MRPL3: variants seen among roughly 807,000 people sequenced by gnomAD.
MRPL3 encodes the protein mitochondrial ribosomal protein L3, also known as large ribosomal subunit protein uL3m.
MRPL3 carries 43 observed loss-of-function variants against 44.3 expected under a neutral mutation model. That is an observed-to-expected ratio of 0.97 (90% CI 0.76 to 1.25). The LOEUF is 1.25. Among genes scored for constraint, MRPL3 ranks in the 50% most tolerant of loss-of-function variants. The pLI, the probability that MRPL3 is intolerant of heterozygous loss-of-function variation, is 0.00. For synonymous variants in MRPL3, 171 were observed against 152.3 expected, an observed-to-expected ratio of 1.12 and a Z score of -0.91; for missense variants, 406 against 427.6, an observed-to-expected ratio of 0.95 and a Z score of 0.45.
At chr3:131,489,954 T>A in intron 5 of MRPL3, 27 bp downstream of exon 5, 1 of 1,452,118 alleles carries the variant, frequency 6.9e-7, no homozygotes, top group Non-Finnish European at 9.6e-7. Flanking sequence ...TATTTTTACC[T>A]CCCTCCTCTC....
chr3:131,479,004 AT>A (rs1233669006), intron 6 of MRPL3: 1 of 380,028 alleles, frequency 2.6e-6, no homozygotes, highest in Non-Finnish European at 5.1e-6. Context: ...AAAATATTTG[AT>A]TTTTAATTTT....
At position 131,462,646 on chromosome 3, in the gene MRPL3, G is replaced by T; in HGVS notation, c.*77C>A. On this transcript the variant is annotated 3_prime_UTR_variant, in exon 10 of 10. Transcript: ENST00000264995. ...TGTTGTGACTAAGAAAGGAGAGTAT[G>T]ATTTCTGGTGGTTATGATATCACTC... is the stretch of plus-strand genomic sequence containing the variant. The T allele has an allele frequency of 7.3e-7, 1 of 1,369,952 alleles. No individual in the cohort carries two copies. Among genetic ancestry groups the T allele is most frequent in the South Asian group, 1.6e-5 (1 of 64,184 alleles). The allele number at this position is 1,369,952 out of a possible 1,614,324, so 84.9% of individuals were successfully genotyped here. A position where few individuals can be genotyped will look rare whatever the true frequency, so the allele number is the denominator to read the frequency against.
intron 4 of MRPL3, among the ~76,000 whole-genome samples, chr3:131,492,849 T>C (rs1317718989): frequency 3.3e-5 from 5 of 152,184 alleles, no homozygotes; most frequent in Non-Finnish European, 2.9e-5. Flanking sequence ...TGTCCTGCTA[T>C]TGTAAATATC....
At position 131,500,485 on chromosome 3, in the gene MRPL3, C is replaced by T. The variant is rs202071969; in HGVS notation, c.314G>A (p.Gly105Asp). Reference protein sequence around the residue: ...FRVGLIALKLGMMPLWTKDGQ... With the variant: ...FRVGLIALKLDMMPLWTKDGQ... ...ATCCTTGGTCCATAAAGGCATCATG[C>T]CCAGCTTCAAGGCAATAAGACCAAC... is the stretch of plus-strand genomic sequence containing the variant. Residue 105 changes from glycine to aspartate, a missense_variant, in exon 3 of 10, where the codon GGC becomes GAC. By Grantham distance (94) the Gly-to-Asp change is moderately conservative (BLOSUM62 -1). Coordinates refer to ENST00000264995, the MANE Select transcript of MRPL3 (RefSeq NM_007208.4). 54 of 1,613,710 alleles carry T rather than the reference C, an allele frequency of 3.3e-5. No individual in the cohort carries two copies. The highest frequency in any genetic ancestry group is 1.6e-4 in the Middle Eastern group (1 of 6,082).
At chr3:131,464,282 T>C (rs1021896596) in intron 9 of MRPL3, among the ~76,000 whole-genome samples, 4 of 152,202 alleles carry the variant, frequency 2.6e-5, no homozygotes, top group Non-Finnish European at 5.9e-5. Flanking sequence ...CACACTTTTA[T>C]AGAACTATTA....
intron 6 of MRPL3, among the ~76,000 whole-genome samples, chr3:131,476,419 A>G (rs1316837399): frequency 6.6e-6 from 1 of 152,206 alleles, no homozygotes; most frequent in East Asian, 1.9e-4. Context: ...ATCTATACTT[A>G]GTATAGCCAG....
At position 131,498,211 on chromosome 3, in the gene MRPL3, A is replaced by G. The variant is rs763277111; in HGVS notation, c.436T>C (p.Ser146Pro). Residue 146 changes from serine to proline, a missense_variant, in exon 4 of 10, where the codon TCT (serine) becomes CCT (proline). Transcript: ENST00000264995. ...ENCNGKMATL[S>P]VGGKTVSRFR... ...CGTGATACAGTTTTTCCTCCTACAGACAGGGTTGCCATTTTTCCATTACAG... is the reference window on the plus strand; with the variant it reads ...CGTGATACAGTTTTTCCTCCTACAGGCAGGGTTGCCATTTTTCCATTACAG... The G allele has an allele frequency of 6.2e-7, 1 of 1,611,348 alleles. No individual in the cohort carries two copies. Among genetic ancestry groups the G allele is most frequent in the Non-Finnish European group, 8.5e-7 (1 of 1,177,606 alleles).
At chr3:131,463,518 T>C (rs1042491958) in intron 9 of MRPL3, among the ~76,000 whole-genome samples, 1 of 152,170 alleles carries the variant, frequency 6.6e-6, no homozygotes, top group African/African-American at 2.4e-5. Flanking sequence ...ATGGCCTTAG[T>C]GCATTTTTCT....
intron 6 of MRPL3, among the ~76,000 whole-genome samples, chr3:131,485,357 C>T (rs1010227363): frequency 2.6e-5 from 4 of 152,142 alleles, no homozygotes; most frequent in African/African-American, 7.2e-5. Flanking sequence ...TCTGACTTTG[C>T]GTGGTTTCTT....
At chr3:131,464,040 G>C (rs537173804) in intron 9 of MRPL3, among the ~76,000 whole-genome samples, 6 of 152,048 alleles carry the variant, frequency 3.9e-5, no homozygotes, top group Admixed American at 6.6e-5. Flanking sequence ...AAATTACCCA[G>C]AAGAAAGTAA....
rs1934533420 is a variant in MRPL3, at chr3:131,502,945, G to T, written c.-124C>A. 1.1e-6 allele frequency: 1 copy of T among 898,102 alleles called. No homozygotes were observed. The highest frequency in any genetic ancestry group is 1.8e-6 in the Non-Finnish European group (1 of 560,482). 55.6% of individuals were successfully genotyped at this position (898,102 alleles called of 1,614,324 possible). On this transcript the variant is annotated 5_prime_UTR_variant, in exon 1 of 10. Transcript: ENST00000264995. ...GGGGAAGTTTTCGCAATGGCCGCCG[G>T]AACGGTCGCCGGCCGATGCTCTCTG...
chr3:131,464,639 C>T (rs1028290833), intron 9 of MRPL3, among the ~76,000 whole-genome samples: 6 of 152,104 alleles, frequency 3.9e-5, no homozygotes, highest in East Asian at 3.9e-4. Context: ...ACGAATGAAC[C>T]GTACTTTAGA....
intron 9 of MRPL3, among the ~76,000 whole-genome samples, chr3:131,463,732 G>A (rs1933541640): frequency 1.3e-5 from 2 of 152,102 alleles, no homozygotes; most frequent in South Asian, 4.1e-4. Context: ...TGAATTCACA[G>A]ACTGAAGAAT....
At chr3:131,489,837 A>C (rs1252136053) in intron 5 of MRPL3, 144 bp downstream of exon 5, 5 of 533,598 alleles carry the variant, frequency 9.4e-6, no homozygotes, top group South Asian at 5.7e-5. Context: ...AAAAAAAAAA[A>C]AACAAAATGA....
At chr3:131,463,579 T>C (rs1933538518) in intron 9 of MRPL3, among the ~76,000 whole-genome samples, 1 of 152,092 alleles carries the variant, frequency 6.6e-6, no homozygotes, top group Non-Finnish European at 1.5e-5. Flanking sequence ...ATACAACAAA[T>C]GCAGCACAAT....
intron 6 of MRPL3, 92 bp from the exon 7 acceptor site, chr3:131,471,371 G>A: frequency 1.2e-6 from 1 of 843,628 alleles, no homozygotes; most frequent in Non-Finnish European, 2.0e-6. Flanking sequence ...ACACATTCTT[G>A]TTAGAGTTTT....
At chr3:131,491,509 C>T (rs892033483) in intron 4 of MRPL3, among the ~76,000 whole-genome samples, 1 of 152,118 alleles carries the variant, frequency 6.6e-6, no homozygotes, top group Non-Finnish European at 1.5e-5. Context: ...TTAAGCTTAA[C>T]GTGTCTAAAA....
chr3:131,497,252 A>C (rs558362903), intron 4 of MRPL3, among the ~76,000 whole-genome samples: 38 of 152,230 alleles, frequency 2.5e-4, no homozygotes, highest in Non-Finnish European at 5.4e-4. Flanking sequence ...GGTGACTTTG[A>C]ATGAGTTAGT....
chr3:131,498,956 C>T (rs1934432832), intron 3 of MRPL3, among the ~76,000 whole-genome samples: 2 of 152,130 alleles, frequency 1.3e-5, no homozygotes. Flanking sequence ...GGCCTCAATC[C>T]AGACCTACTG....
Sources: allele counts gnomAD v4.1 joint callset (sites outside exome capture counted in the v4.1 genomes callset), GRCh38; gene constraint gnomAD v4.1.1; transcripts MANE v1.5; gene names NCBI Gene and HGNC (gene_info 2026-07-23, HGNC 2026-07-21).